Variants in VRTN observed in about 807,000 individuals in gnomAD.
VRTN encodes vertnin.
Under a neutral mutation model 18.2 loss-of-function variants are expected in VRTN, and 5 were observed. The ratio of observed to expected loss-of-function variants is 0.27; its 90% CI spans 0.14 to 0.58. The LOEUF is 0.58. Ranked by LOEUF, VRTN falls within the 20% of genes least tolerant of loss-of-function variation. The pLI is 0.91. For missense variants in VRTN, 741 were observed against 939.4 expected (o/e 0.79, Z 2.76); for synonymous variants, 381 against 393.7 (o/e 0.97, Z 0.38).
chr14:74,327,767 A>C (rs1281585368), intron 1 of VRTN, among the ~76,000 whole-genome samples: 2 of 152,096 alleles, frequency 1.3e-5, no homozygotes, highest in South Asian at 4.2e-4. Flanking sequence ...CCCAGGCAGG[A>C]GTGCAGTGAA....
rs67857502 is a variant in VRTN at position 74,332,335 on chromosome 14, G to GTTTTTT, written c.-163-5352_-163-5347dup. On this transcript the variant is annotated intron_variant, in intron 1 of 2. Coordinates refer to the VRTN transcript ENST00000557177. ...CCTCCGGAGGATCGACTCCTAATCT[G>GTTTTTT]TTTTTTTTTTTTTTTTTTTTTTTTT... 2.8e-4 allele frequency among the ~76,000 whole-genome samples: 11 copies of GTTTTTT among 39,588 alleles called. 3 individuals carry two copies. Among genetic ancestry groups the GTTTTTT allele is most frequent in the Non-Finnish European group, 4.0e-4 (8 of 20,018 alleles). 26.0% of individuals were successfully genotyped at this position (39,588 alleles called of 152,430 possible).
intron 1 of VRTN, among the ~76,000 whole-genome samples, chr14:74,354,155 G>A (rs2085706888): frequency 6.6e-6 from 1 of 152,118 alleles, no homozygotes; most frequent in South Asian, 2.1e-4. Flanking sequence ...TTTAAAAGAA[G>A]ATGAGTACTT....
upstream of VRTN, among the ~76,000 whole-genome samples, chr14:74,344,246 C>CA (rs71115985): frequency 9.2e-4 from 30 of 32,514 alleles, 6 homozygotes; most frequent in Admixed American, 3.2e-3. Context: ...CTGCTTTCTA[C>CA]AAAAAAAAAA....
In VRTN at chr14:74,357,434, G is replaced by A. The variant is rs568023994; in HGVS notation, c.651G>A (p.Thr217=). Residue 217 remains threonine, a synonymous_variant, in exon 2 of 2, where the codon ACG becomes ACA. Coordinates refer to ENST00000256362, the MANE Select transcript of VRTN (RefSeq NM_018228.3). This position sits in a 1 kb window ranked among gnomAD's most constrained non-coding sequence, Gnocchi z 7.8. ...RPRRCDHVPS[T]LHIMWAGQPL... ...GCCGCTGCGACCACGTGCCCTCCAC[G>A]CTGCACATCATGTGGGCTGGCCAGC... 1.3e-5 allele frequency: 21 copies of A among 1,612,282 alleles called. 1 individual carries two copies. The highest frequency in any genetic ancestry group is 5.5e-5 in the South Asian group (5 of 91,080).
intron 1 of VRTN, among the ~76,000 whole-genome samples, chr14:74,327,181 G>T (rs368681041): frequency 1.3e-5 from 2 of 152,054 alleles, no homozygotes; most frequent in African/African-American, 2.4e-5. Context: ...TAGGTGCGTC[G>T]CATCTGTTTC....
chr14:74,347,180 G>T (rs1037050543), upstream of VRTN, among the ~76,000 whole-genome samples: 1 of 152,178 alleles, frequency 6.6e-6, no homozygotes, highest in Admixed American at 6.6e-5. Context: ...CTCTGGGGTA[G>T]ATGCTATACC....
At position 74,357,369 on chromosome 14, in the gene VRTN, C is replaced by T. The variant is rs1418404864; in HGVS notation, c.586C>T (p.Leu196Phe). The T allele has an allele frequency of 6.2e-7, 1 of 1,613,974 alleles. No individual in the cohort carries two copies. The highest frequency in any genetic ancestry group is 8.5e-7 in the Non-Finnish European group (1 of 1,180,028). Residue 196 changes from leucine to phenylalanine, a missense_variant, in exon 2 of 2, where the codon CTC becomes TTC. By Grantham distance (22) the Leu-to-Phe change is conservative (BLOSUM62 0). This residue lies in a region of VRTN where 186 missense variants were observed against 288.3 expected (regional missense o/e 0.65). Transcript: ENST00000256362. The surrounding 1 kb of genome is among the most constrained non-coding windows in gnomAD (Gnocchi z 7.8). ...NIYSIYPMRNLKIRPYFNRVI... is the reference protein window; with the variant it reads ...NIYSIYPMRNFKIRPYFNRVI... ...CTACTCCATCTACCCCATGCGCAAC[C>T]TCAAGATCCGGCCCTACTTCAACCG...
intron 1 of VRTN, among the ~76,000 whole-genome samples, chr14:74,319,018 G>A (rs2085436331): frequency 6.7e-6 from 1 of 149,240 alleles, no homozygotes; most frequent in Non-Finnish European, 1.5e-5. Flanking sequence ...CCTGGTCTCG[G>A]GATTTTTTTT....
chr14:74,332,969 A>G (rs182930773), intron 1 of VRTN, among the ~76,000 whole-genome samples: 7 of 152,076 alleles, frequency 4.6e-5, no homozygotes, highest in African/African-American at 1.4e-4. Flanking sequence ...CCCATATTCT[A>G]TTCTCGGGTT....
At chr14:74,352,084 T>G (rs1483443447) in intron 1 of VRTN, among the ~76,000 whole-genome samples, 1 of 152,006 alleles carries the variant, frequency 6.6e-6, no homozygotes, top group African/African-American at 2.4e-5. Context: ...TCTCTTGACC[T>G]TGTGATCCGC....
chr14:74,358,963 C>T lies in VRTN; in HGVS notation c.*71C>T, dbSNP rs528956047. 1 of 1,508,046 alleles carries T rather than the reference C, an allele frequency of 6.6e-7. No homozygotes were observed. Among genetic ancestry groups the T allele is most frequent in the East Asian group, 2.3e-5 (1 of 43,146 alleles). The allele number at this position is 1,508,046 out of a possible 1,614,324, so 93.4% of individuals were successfully genotyped here. A position where few individuals can be genotyped will look rare whatever the true frequency, so the allele number is the denominator to read the frequency against. On this transcript the variant is annotated 3_prime_UTR_variant, in exon 2 of 2. Transcript: ENST00000256362. The surrounding 1 kb of genome is among the most constrained non-coding windows in gnomAD (Gnocchi z 5.4). The stretch of plus-strand genomic sequence containing the variant: ...GAGGGTCAGGGACCTGAGCTGACCC[C>T]AGGCTTGGCCAGGATGTCCTTTGCT...
intron 1 of VRTN, among the ~76,000 whole-genome samples, chr14:74,306,769 G>GTT (rs879942939): frequency 4.2e-5 from 6 of 142,724 alleles, no homozygotes; most frequent in Admixed American, 7.1e-5. Flanking sequence ...TAATTTTTAA[G>GTT]TTTTTTTTTT....
chr14:74,343,797 G>A (rs988072319), upstream of VRTN, among the ~76,000 whole-genome samples: 2 of 151,824 alleles, frequency 1.3e-5, no homozygotes, highest in African/African-American at 4.8e-5. Flanking sequence ...AACATACATC[G>A]CATTAATTTT....
intron 1 of VRTN, among the ~76,000 whole-genome samples, chr14:74,313,332 C>T (rs929110797): frequency 2.0e-5 from 3 of 151,868 alleles, no homozygotes; most frequent in African/African-American, 7.3e-5. Context: ...AATGATAAAG[C>T]GACTCACATC....
chr14:74,331,197 G>A (rs1169926896), intron 1 of VRTN, among the ~76,000 whole-genome samples: 9 of 131,968 alleles, frequency 6.8e-5, no homozygotes, highest in Middle Eastern at 4.5e-3. Flanking sequence ...GTGAGACTCC[G>A]TCTCAAAAAT....
rs141756211 is a variant in VRTN, at chr14:74,304,757, G to T, written c.-164+1581G>T. Among the ~76,000 whole-genome samples the T allele has an allele frequency of 3.3e-5, 5 of 152,170 alleles. No homozygotes were observed. In the East Asian group the frequency reaches 9.7e-4, roughly 29 times the overall value. On this transcript the variant is annotated intron_variant, in intron 1 of 2. Transcript: ENST00000557177. ...CACTGCCCCAGAACCAAAGAGAAAG[G>T]CATTTAACTCAGCATGGGGAAAAGT...
At chr14:74,311,944 AT>A (rs2085391402) in intron 1 of VRTN, among the ~76,000 whole-genome samples, 1 of 150,118 alleles carries the variant, frequency 6.7e-6, no homozygotes, top group Non-Finnish European at 1.5e-5. Flanking sequence ...AATTTTTTGT[AT>A]TTTTAGTAGA....
intron 1 of VRTN, among the ~76,000 whole-genome samples, chr14:74,314,522 G>A (rs1276691219): frequency 1.3e-5 from 2 of 148,484 alleles, no homozygotes; most frequent in African/African-American, 5.0e-5. Flanking sequence ...TCAGCCTCCT[G>A]AGTAGCTGGG....
intron 1 of VRTN, among the ~76,000 whole-genome samples, chr14:74,304,554 T>C (rs141111319): frequency 6.6e-6 from 1 of 152,212 alleles, no homozygotes; most frequent in African/African-American, 2.4e-5. Flanking sequence ...TTCTTTGCTG[T>C]GTAGGCTTTC....
Sources: allele counts gnomAD v4.1 joint callset (sites outside exome capture counted in the v4.1 genomes callset), GRCh38; gene constraint gnomAD v4.1.1; regional missense constraint gnomAD v4.1.1; non-coding constraint Gnocchi (gnomAD v3.1); transcripts MANE v1.5; gene names NCBI Gene and HGNC (gene_info 2026-07-23, HGNC 2026-07-21).